CEMIP2: variants seen among roughly 807,000 people sequenced by gnomAD.
CEMIP2 encodes cell migration inducing hyaluronidase 2.
Under a neutral mutation model 146.9 loss-of-function variants are expected in CEMIP2, and 79 were observed. That is an observed-to-expected ratio of 0.54 (90% CI 0.45 to 0.65). The LOEUF (loss-of-function observed/expected upper bound fraction) is 0.65. CEMIP2 is among the 30% of genes least tolerant of loss of function. The pLI is 0.00. For synonymous variants in CEMIP2, 601 were observed against 606.3 expected (o/e 0.99, Z 0.13); for missense variants, 1,596 against 1,696.2 (o/e 0.94, Z 1.04).
At chr9:71,741,634 T>G (rs1364781649) in intron 4 of CEMIP2, among the ~76,000 whole-genome samples, 1 of 125,966 alleles carries the variant, frequency 7.9e-6, no homozygotes, top group African/African-American at 2.9e-5. Flanking sequence ...TTTTCTGGTT[T>G]TTTTTTTTTT....
rs942577481 is a variant in CEMIP2, at chr9:71,749,890, T to C, written c.331+153A>G. On this transcript the variant is annotated intron_variant, in intron 2 of 23. Coordinates refer to ENST00000377044, the MANE Select transcript of CEMIP2 (RefSeq NM_013390.3). Reference sequence around the variant, plus strand: ...TCATTTCCAACAGATTATTGAACAATTGCTCTCATTCATAAGAAGTGACAC... The same window carrying C: ...TCATTTCCAACAGATTATTGAACAACTGCTCTCATTCATAAGAAGTGACAC... 4.9e-6 allele frequency: 3 copies of C among 616,304 alleles called. No homozygotes were observed. The African/African-American group carries it at 5.6e-5, about 11-fold the overall frequency. The allele number at this position is 616,304 out of a possible 1,614,324, so 38.2% of individuals were successfully genotyped here.
chr9:71,741,797 C>T (rs766603753), intron 4 of CEMIP2, among the ~76,000 whole-genome samples: 1 of 151,806 alleles, frequency 6.6e-6, no homozygotes, highest in Non-Finnish European at 1.5e-5. Context: ...CACCACCACA[C>T]CCAGCTAATT....
At chr9:71,693,196 C>T (rs1214141719) in intron 21 of CEMIP2, among the ~76,000 whole-genome samples, 1 of 152,134 alleles carries the variant, frequency 6.6e-6, no homozygotes, top group East Asian at 1.9e-4. Flanking sequence ...TGTTGCCCAC[C>T]ACTAAAAAAA....
intron 5 of CEMIP2, among the ~76,000 whole-genome samples, chr9:71,735,803 C>A (rs911058442): frequency 6.6e-6 from 1 of 152,052 alleles, no homozygotes; most frequent in African/African-American, 2.4e-5. Flanking sequence ...CATAAAATAA[C>A]AATTTGTGGC....
chr9:71,708,706 C>T (rs1428259051), intron 17 of CEMIP2, among the ~76,000 whole-genome samples: 4 of 152,168 alleles, frequency 2.6e-5, no homozygotes, highest in African/African-American at 9.7e-5. Flanking sequence ...ATCATCTCCT[C>T]CATATTTTCA....
intron 10 of CEMIP2, among the ~76,000 whole-genome samples, chr9:71,728,901 G>A (rs1012279767): frequency 6.6e-6 from 1 of 151,540 alleles, no homozygotes; most frequent in Non-Finnish European, 1.5e-5. Flanking sequence ...GCGCAATCTT[G>A]GCTCACAGCA....
At chr9:71,766,280 C>T (rs1824790943) in intron 1 of CEMIP2, among the ~76,000 whole-genome samples, 1 of 151,894 alleles carries the variant, frequency 6.6e-6, no homozygotes, top group Admixed American at 6.6e-5. Flanking sequence ...ACCATGTTGG[C>T]CAGGCTGGTC....
At chr9:71,699,681 C>T (rs1232130580) in intron 19 of CEMIP2, among the ~76,000 whole-genome samples, 1 of 152,066 alleles carries the variant, frequency 6.6e-6, no homozygotes, top group East Asian at 1.9e-4. Flanking sequence ...TTGCCTTTCC[C>T]CAAACACGCA....
intron 5 of CEMIP2, among the ~76,000 whole-genome samples, 176 bp downstream of exon 5, chr9:71,739,887 T>C (rs1823864878): frequency 2.0e-5 from 3 of 152,116 alleles, no homozygotes; most frequent in African/African-American, 7.2e-5. Context: ...TTCTAAAAGA[T>C]TACTGGATTT....
intron 19 of CEMIP2, among the ~76,000 whole-genome samples, chr9:71,700,246 CA>C (rs1285973972): frequency 1.3e-5 from 2 of 152,176 alleles, no homozygotes; most frequent in Non-Finnish European, 2.9e-5. Context: ...TTCAAAAACT[CA>C]AGGTCAACTT....
At chr9:71,726,430 G>T (rs930409884) in intron 10 of CEMIP2, among the ~76,000 whole-genome samples, 33 of 152,106 alleles carry the variant, frequency 2.2e-4, no homozygotes, top group Non-Finnish European at 1.9e-4. Context: ...TTCACTTTAT[G>T]GAACTTCGAT....
At chr9:71,756,758 T>TA (rs1261742147) in intron 1 of CEMIP2, among the ~76,000 whole-genome samples, 3 of 152,172 alleles carry the variant, frequency 2.0e-5, no homozygotes, top group African/African-American at 2.4e-5. Flanking sequence ...AAGGTATTAT[T>TA]AACAACTGCA....
chr9:71,686,013 C>T, intron 22 of CEMIP2, 167 bp from the exon 23 acceptor site: 2 of 601,594 alleles, frequency 3.3e-6, no homozygotes, highest in Non-Finnish European at 5.8e-6. Context: ...CACTCTTCCA[C>T]CCCACCACCA....
In CEMIP2 at chr9:71,690,932, C is replaced by T. The variant is rs1424892384; in HGVS notation, c.3697-686G>A. Among the ~76,000 whole-genome samples, 3 of 152,084 alleles carry T rather than the reference C, an allele frequency of 2.0e-5. No individual in the cohort carries two copies. The South Asian group carries it at 6.2e-4, about 31-fold the overall frequency. Reference sequence around the variant, plus strand: ...TTTCCAAATATCATTAATTTCTCAGCCAAAAATGAAGGAGCAAAACAAAAC... The same window carrying T: ...TTTCCAAATATCATTAATTTCTCAGTCAAAAATGAAGGAGCAAAACAAAAC... On this transcript the variant is annotated intron_variant, in intron 21 of 23. Coordinates refer to ENST00000377044, the MANE Select transcript of CEMIP2 (RefSeq NM_013390.3).
intron 18 of CEMIP2, among the ~76,000 whole-genome samples, chr9:71,702,575 T>C (rs987007045): frequency 2.6e-5 from 4 of 152,178 alleles, no homozygotes; most frequent in Non-Finnish European, 5.9e-5. Flanking sequence ...ATTTTCTTTA[T>C]GTTTTTCTAT....
chr9:71,761,129 TC>T lies in CEMIP2; in HGVS notation c.-13+7227del, dbSNP rs1824622685. On this transcript the variant is annotated intron_variant, in intron 1 of 23. Transcript: ENST00000377044. ...GCGTCACCAGCCTTGCAGCTGGCCT[TC>T]CAAAGAAAGAACCAAAGTCGAAGTC... is the stretch of plus-strand genomic sequence containing the variant. Among the ~76,000 whole-genome samples the T allele has an allele frequency of 2.0e-5, 3 of 152,208 alleles. No individual in the cohort carries two copies. The South Asian group carries it at 6.2e-4, about 32-fold the overall frequency.
chr9:71,758,380 C>T (rs143988744), intron 1 of CEMIP2, among the ~76,000 whole-genome samples: 7 of 152,320 alleles, frequency 4.6e-5, no homozygotes, highest in Admixed American at 2.0e-4. Context: ...ATGTGTTATA[C>T]ACAGGAGACT....
At chr9:71,766,265 G>A (rs1432298233) in intron 1 of CEMIP2, among the ~76,000 whole-genome samples, 1 of 151,644 alleles carries the variant, frequency 6.6e-6, no homozygotes, top group East Asian at 1.9e-4. Flanking sequence ...TAGAGATAGG[G>A]TTTTACCATG....
Position 71,700,718 on chromosome 9 carries a change from A to G in CEMIP2, c.3301T>C (p.Tyr1101His). 1 of 1,613,998 alleles carries G rather than the reference A, an allele frequency of 6.2e-7. No individual in the cohort carries two copies. Among genetic ancestry groups the G allele is most frequent in the Non-Finnish European group, 8.5e-7 (1 of 1,179,974 alleles). The change falls in exon 19 of 24, where the codon TAT (tyrosine) becomes CAT (histidine). Residue 1101 changes from tyrosine (Y) to histidine (H), a missense_variant. Tyr to His is a moderately conservative substitution (Grantham distance 83). Coordinates refer to ENST00000377044, the MANE Select transcript of CEMIP2 (RefSeq NM_013390.3). ...QNGSLSKIEE[Y>H]EPVHSLEELQ... is the part of the protein sequence containing the mutation. Reference sequence around the variant, plus strand: ...TCTTCCAGTGAATGCACAGGCTCATATTCTTCGATTTTGGATAATGAGCCA... The same window carrying G: ...TCTTCCAGTGAATGCACAGGCTCATGTTCTTCGATTTTGGATAATGAGCCA...
Sources: allele counts gnomAD v4.1 joint callset (sites outside exome capture counted in the v4.1 genomes callset), GRCh38; gene constraint gnomAD v4.1.1; transcripts MANE v1.5; gene names NCBI Gene and HGNC (gene_info 2026-07-23, HGNC 2026-07-21).